The following SIGLECL1 variants were observed in gnomAD, a reference collection of about 807,000 sequenced individuals.
The protein encoded by SIGLECL1 is SIGLEC family-like protein 1.
A neutral mutation model predicts 19.1 loss-of-function variants in SIGLECL1; 16 were observed. The observed-to-expected ratio is 0.84, with a 90% CI of 0.57 to 1.27. The LOEUF is 1.27. Among genes scored for constraint, SIGLECL1 ranks in the 50% most tolerant of loss-of-function variants. SIGLECL1 has a pLI of 0.00. For missense variants in SIGLECL1, 210 were observed against 239.4 expected (o/e 0.88, Z 0.81); for synonymous variants, 89 against 90.4 (o/e 0.98, Z 0.09).
chr19:51,268,713 G>A lies in SIGLECL1; in HGVS notation c.*116G>A. The A allele has an allele frequency of 1.0e-6, 1 of 971,148 alleles. No homozygotes were observed. The highest frequency in any genetic ancestry group is 1.6e-6 in the Non-Finnish European group (1 of 644,354). 60.2% of individuals were successfully genotyped at this position (971,148 alleles called of 1,614,324 possible). A position where few individuals can be genotyped will look rare whatever the true frequency, so the allele number is the denominator to read the frequency against. Reference sequence around the variant, plus strand: ...GGCTGTAATAAACCTGGAGCCCCCTGGACTCTCCTCAGCTCACAAAACCCT... The same window carrying A: ...GGCTGTAATAAACCTGGAGCCCCCTAGACTCTCCTCAGCTCACAAAACCCT... On this transcript the variant is annotated 3_prime_UTR_variant, in exon 6 of 6. Transcript: ENST00000601727.
intron 4 of SIGLECL1, among the ~76,000 whole-genome samples, chr19:51,266,952 G>T (rs982411367): frequency 6.6e-6 from 1 of 152,032 alleles, no homozygotes; most frequent in Non-Finnish European, 1.5e-5. Context: ...CTGGTGCAGG[G>T]GACTAAGCAG....
intron 4 of SIGLECL1, among the ~76,000 whole-genome samples, chr19:51,266,388 A>G (rs1983669652): frequency 6.6e-6 from 1 of 152,156 alleles, no homozygotes; most frequent in Admixed American, 6.5e-5. Flanking sequence ...ATAATTTTAA[A>G]TATTATATAA....
chr19:51,252,513 G>A (rs1361107010), intron 1 of SIGLECL1, among the ~76,000 whole-genome samples: 4 of 152,076 alleles, frequency 2.6e-5, no homozygotes, highest in African/African-American at 4.8e-5. Flanking sequence ...GTGCTTTACT[G>A]GCAAATCCTG....
At chr19:51,259,151 G>A (rs565592413) in intron 1 of SIGLECL1, among the ~76,000 whole-genome samples, 11 of 142,276 alleles carry the variant, frequency 7.7e-5, no homozygotes, top group South Asian at 2.3e-4. Flanking sequence ...ATTCCAAAAG[G>A]TTGGTGAAAT....
intron 1 of SIGLECL1, among the ~76,000 whole-genome samples, chr19:51,259,230 T>A (rs1437003863): frequency 6.6e-6 from 1 of 152,144 alleles, no homozygotes; most frequent in Admixed American, 6.6e-5. Flanking sequence ...AGGCGAAACT[T>A]TGGATGAAAA....
intron 1 of SIGLECL1, among the ~76,000 whole-genome samples, chr19:51,252,821 G>C (rs1263195351): frequency 1.3e-5 from 2 of 152,104 alleles, no homozygotes; most frequent in Non-Finnish European, 2.9e-5. Context: ...GAAGGGATTA[G>C]GGGTGGTCAA....
intron 1 of SIGLECL1, among the ~76,000 whole-genome samples, chr19:51,253,774 G>A (rs1282983043): frequency 6.6e-6 from 1 of 152,224 alleles, no homozygotes; most frequent in Non-Finnish European, 1.5e-5. Flanking sequence ...AGACACCACA[G>A]TTGTAGTCAA....
chr19:51,250,438 A>G (rs1484304964), upstream of SIGLECL1, among the ~76,000 whole-genome samples: 1 of 152,046 alleles, frequency 6.6e-6, no homozygotes, highest in Non-Finnish European at 1.5e-5. Context: ...TATGACCTGT[A>G]TCTTGTGCTG....
Position 51,257,418 on chromosome 19 carries a change from AAAAAAG to A in SIGLECL1, c.-191+5878_-191+5883del, listed in dbSNP as rs1480294010. 2.5e-3 allele frequency among the ~76,000 whole-genome samples: 379 copies of A among 152,048 alleles called. 1 individual carries two copies. Among genetic ancestry groups the A allele is most frequent in the African/African-American group, 8.7e-3 (360 of 41,442 alleles). ...GAGCAAGAAACTGTCTCAAAAAAAAAAAAAAGAAAAGAAAAGAAAGAAAACACTACC... is the reference window on the plus strand; with the variant it reads ...GAGCAAGAAACTGTCTCAAAAAAAAAAAAAGAAAAGAAAGAAAACACTACC... On this transcript the variant is annotated intron_variant, in intron 1 of 5. Coordinates refer to ENST00000601727, the MANE Select transcript of SIGLECL1 (RefSeq NM_001385465.1).
In SIGLECL1 at chr19:51,268,692, G is replaced by T. The variant is rs1983852939; in HGVS notation, c.*95G>T. ...AGCGCTCACAGAAACCCTGGAGGCT[G>T]TAATAAACCTGGAGCCCCCTGGACT... On this transcript the variant is annotated 3_prime_UTR_variant, in exon 6 of 6. Coordinates refer to ENST00000601727, the MANE Select transcript of SIGLECL1 (RefSeq NM_001385465.1). 7.7e-7 allele frequency: 1 copy of T among 1,298,140 alleles called. No homozygotes were observed. Among genetic ancestry groups the T allele is most frequent in the Non-Finnish European group, 1.1e-6 (1 of 924,838 alleles). 80.4% of individuals were successfully genotyped at this position (1,298,140 alleles called of 1,614,324 possible).
At chr19:51,266,514 TAA>T (rs34989367) in intron 4 of SIGLECL1, among the ~76,000 whole-genome samples, 61 of 137,218 alleles carry the variant, frequency 4.4e-4, no homozygotes, top group African/African-American at 4.2e-4. Context: ...TTCCAAAATC[TAA>T]AAAAAAAAAA....
chr19:51,262,556 A>G (rs1983311581), intron 1 of SIGLECL1, among the ~76,000 whole-genome samples: 1 of 152,168 alleles, frequency 6.6e-6, no homozygotes, highest in South Asian at 2.1e-4. Flanking sequence ...AAAATTATAC[A>G]TGTAGTCCAC....
chr19:51,247,775 T>C (rs1982313950), upstream of SIGLECL1, among the ~76,000 whole-genome samples: 1 of 152,202 alleles, frequency 6.6e-6, no homozygotes, highest in South Asian at 2.1e-4. Context: ...AAAGCAAAAG[T>C]ACACCCTGAG....
chr19:51,265,668 C>T lies in SIGLECL1; in HGVS notation c.304+19C>T, dbSNP rs201513690. The T allele has an allele frequency of 1.2e-4, 201 of 1,610,928 alleles. No homozygotes were observed. The highest frequency in any genetic ancestry group is 2.7e-4 in the East Asian group (12 of 44,832). ...ATGTCAAGTGAGGGTGGAGGGGGCTCGGTGACTGGGTGAGGACAATAAGCG... is the reference window on the plus strand; with the variant it reads ...ATGTCAAGTGAGGGTGGAGGGGGCTTGGTGACTGGGTGAGGACAATAAGCG... On this transcript the variant is annotated intron_variant, in intron 3 of 5. Coordinates refer to ENST00000601727, the MANE Select transcript of SIGLECL1 (RefSeq NM_001385465.1).
intron 1 of SIGLECL1, chr19:51,257,889 C>T (rs780013700): frequency 1.3e-5 from 2 of 152,240 alleles, no homozygotes; most frequent in Non-Finnish European, 2.9e-5. Context: ...AAACACTGGA[C>T]ACAAGGCTTG....
At chr19:51,255,747 A>T (rs1245657623) in intron 1 of SIGLECL1, among the ~76,000 whole-genome samples, 1 of 152,230 alleles carries the variant, frequency 6.6e-6, no homozygotes, top group African/African-American at 2.4e-5. Flanking sequence ...ATATCACCTT[A>T]TACCTATTAG....
chr19:51,254,489 T>A (rs934490832), intron 1 of SIGLECL1, among the ~76,000 whole-genome samples: 2 of 152,214 alleles, frequency 1.3e-5, no homozygotes, highest in Non-Finnish European at 2.9e-5. Flanking sequence ...TGGTACAACA[T>A]GAATTAGCCT....
intron 1 of SIGLECL1, among the ~76,000 whole-genome samples, chr19:51,258,540 T>A (rs150806827): frequency 8.0e-4 from 122 of 152,360 alleles, no homozygotes; most frequent in African/African-American, 2.7e-3. Flanking sequence ...GTCCCTTGGC[T>A]ATTTTTATCT....
intron 2 of SIGLECL1, chr19:51,264,461 C>A (rs771077272): frequency 4.6e-5 from 8 of 173,630 alleles, no homozygotes; most frequent in Non-Finnish European, 8.5e-5. Flanking sequence ...TAGAGGGGTC[C>A]GTACATGAGA....
Sources: allele counts gnomAD v4.1 joint callset (sites outside exome capture counted in the v4.1 genomes callset), GRCh38; gene constraint gnomAD v4.1.1; transcripts MANE v1.5; gene names NCBI Gene and HGNC (gene_info 2026-07-23, HGNC 2026-07-21).